The following AGMO variants were observed in gnomAD, a reference collection of about 807,000 sequenced individuals.
The protein encoded by AGMO is alkylglycerol monooxygenase.
In AGMO, 75 loss-of-function variants were observed where a neutral mutation model predicts 60.2. The observed-to-expected ratio is 1.25, with a 90% CI of 1.03 to 1.51. The LOEUF (loss-of-function observed/expected upper bound fraction) is 1.51. AGMO is among the 40% of genes most tolerant of loss of function. The pLI is 0.00. For missense variants in AGMO, 763 were observed against 525.5 expected (o/e 1.45, Z -4.42); for synonymous variants, 261 against 177.1 (o/e 1.47, Z -3.76).
chr7:15,219,110 A>G (rs1390571890), intron 12 of AGMO, among the ~76,000 whole-genome samples: 1 of 152,220 alleles, frequency 6.6e-6, no homozygotes, highest in Non-Finnish European at 1.5e-5. Context: ...TTATCTACAC[A>G]ATGTTCATTA....
chr7:15,208,297 A>G (rs560729353), intron 12 of AGMO, among the ~76,000 whole-genome samples: 2 of 152,318 alleles, frequency 1.3e-5, no homozygotes, highest in East Asian at 3.9e-4. Flanking sequence ...ATTTGTGAGA[A>G]GAAACATTTG....
the AGMO span, among the ~76,000 whole-genome samples, chr7:15,170,199 G>C: frequency 6.6e-6 from 1 of 152,332 alleles, no homozygotes; most frequent in East Asian, 1.9e-4. Context: ...GAGCTGAAAG[G>C]GAGAGTGAGA....
At chr7:15,280,566 T>C (rs1305374545) in intron 12 of AGMO, among the ~76,000 whole-genome samples, 2 of 152,162 alleles carry the variant, frequency 1.3e-5, no homozygotes, top group Non-Finnish European at 2.9e-5. Context: ...CGGCCCCACC[T>C]ATAGCTTGAA....
intron 12 of AGMO, among the ~76,000 whole-genome samples, chr7:15,311,090 A>G (rs1005459331): frequency 6.6e-6 from 1 of 152,148 alleles, no homozygotes; most frequent in African/African-American, 2.4e-5. Context: ...TCTGGGAATT[A>G]AAACATGGAC....
At chr7:15,137,886 T>C in the AGMO span, among the ~76,000 whole-genome samples, 2 of 149,316 alleles carry the variant, frequency 1.3e-5, no homozygotes, top group Non-Finnish European at 2.9e-5. Context: ...AATGAAACAA[T>C]GTAGAAGGCT....
intron 12 of AGMO, among the ~76,000 whole-genome samples, chr7:15,248,216 A>ATATATAT (rs1782821022): frequency 9.3e-6 from 1 of 107,724 alleles, no homozygotes; most frequent in African/African-American, 3.3e-5. Flanking sequence ...ATATATATAT[A>ATATATAT]TATATATATC....
chr7:15,163,299 T>C, the AGMO span, among the ~76,000 whole-genome samples: 5 of 152,266 alleles, frequency 3.3e-5, no homozygotes, highest in Non-Finnish European at 7.4e-5. Context: ...CTTTTCCAAT[T>C]TGCATGCTTT....
At chr7:15,497,466 G>T (rs905979191) in intron 3 of AGMO, among the ~76,000 whole-genome samples, 2 of 152,008 alleles carry the variant, frequency 1.3e-5, no homozygotes, top group African/African-American at 4.8e-5. Flanking sequence ...TTCTATAAAT[G>T]GAGGTACAAA....
At chr7:15,243,663 C>A (rs1345938234) in intron 12 of AGMO, among the ~76,000 whole-genome samples, 3 of 152,016 alleles carry the variant, frequency 2.0e-5, no homozygotes, top group Non-Finnish European at 4.4e-5. Context: ...AATATAAAAA[C>A]CATTGAGTTG....
intron 12 of AGMO, among the ~76,000 whole-genome samples, chr7:15,341,751 G>T (rs1233741395): frequency 6.6e-6 from 1 of 152,136 alleles, no homozygotes; most frequent in Non-Finnish European, 1.5e-5. Flanking sequence ...TGGACTCACA[G>T]TTGCACATGA....
intron 12 of AGMO, among the ~76,000 whole-genome samples, chr7:15,237,942 G>A (rs1007566917): frequency 1.3e-5 from 2 of 152,084 alleles, no homozygotes; most frequent in African/African-American, 4.8e-5. Flanking sequence ...AGGAAAGACA[G>A]GGCTCTTATT....
At chr7:15,461,864 T>C (rs927671503) in intron 3 of AGMO, among the ~76,000 whole-genome samples, 1 of 152,134 alleles carries the variant, frequency 6.6e-6, no homozygotes, top group Non-Finnish European at 1.5e-5. Context: ...GTGGTTATAT[T>C]TGGCAAAAGG....
At chr7:15,318,562 T>C (rs1458675183) in intron 12 of AGMO, among the ~76,000 whole-genome samples, 1 of 152,130 alleles carries the variant, frequency 6.6e-6, no homozygotes, top group Non-Finnish European at 1.5e-5. Flanking sequence ...AAGATGATCC[T>C]TGAGCATATA....
At chr7:15,263,235 G>GA (rs1049336292) in intron 12 of AGMO, among the ~76,000 whole-genome samples, 2 of 151,110 alleles carry the variant, frequency 1.3e-5, no homozygotes, top group South Asian at 2.1e-4. Context: ...ATCAGGAAGA[G>GA]AAAAAAAATC....
At chr7:15,135,979 C>CTTTTTTTTTTTTTTTTTTTTGTTTT in the AGMO span, among the ~76,000 whole-genome samples, 4 of 106,870 alleles carry the variant, frequency 3.7e-5, no homozygotes, top group Non-Finnish European at 5.4e-5. Context: ...TTTTTCTTTT[C>CTTTTTTTTTTTTTTTTTTTTGTTTT]TTTTTTTTTT....
At chr7:15,145,715 C>G in the AGMO span, among the ~76,000 whole-genome samples, 6 of 152,078 alleles carry the variant, frequency 3.9e-5, no homozygotes, top group African/African-American at 1.4e-4. Flanking sequence ...ATTATGCTCA[C>G]AGTAGAAGAT....
At chr7:15,318,317 G>T (rs1781002891) in intron 12 of AGMO, among the ~76,000 whole-genome samples, 1 of 152,010 alleles carries the variant, frequency 6.6e-6, no homozygotes, top group South Asian at 2.1e-4. Flanking sequence ...ATGTTTAAAA[G>T]ATTATGAAGT....
At chr7:15,166,752 G>A in the AGMO span, among the ~76,000 whole-genome samples, 1 of 152,172 alleles carries the variant, frequency 6.6e-6, no homozygotes, top group African/African-American at 2.4e-5. Flanking sequence ...ACATCAATAG[G>A]ATTTCCTAAT....
At chr7:15,367,211 A>T (rs188782416) in intron 10 of AGMO, among the ~76,000 whole-genome samples, 1 of 152,024 alleles carries the variant, frequency 6.6e-6, no homozygotes, top group East Asian at 1.9e-4. Context: ...AGTTGCATAA[A>T]GTGGGTTTTT....
Sources: gnomAD v4.1 joint callset for allele counts (sites outside exome capture counted in the v4.1 genomes callset) on GRCh38, gnomAD v4.1.1 for gene constraint, MANE v1.5 for transcripts, NCBI Gene and HGNC (gene_info 2026-07-23, HGNC 2026-07-21) for gene names.